Variants in ASAP1 observed in about 807,000 individuals in gnomAD.
ASAP1 encodes arf-GAP with SH3 domain, ANK repeat and PH domain-containing protein 1.
ASAP1 carries 43 observed loss-of-function variants against 145.2 expected under a neutral mutation model. That is an observed-to-expected ratio of 0.30 (90% CI 0.23 to 0.38). The LOEUF is 0.38. Among genes scored for constraint, ASAP1 ranks in the 10% least tolerant of loss-of-function variants. ASAP1 has a pLI of 1.00. For synonymous variants in ASAP1, 546 were observed against 515.5 expected (o/e 1.06, Z -0.80); for missense variants, 1,018 against 1,355.3 (o/e 0.75, Z 3.91).
At chr8:130,220,686 C>T (rs1817239233) in intron 4 of ASAP1, among the ~76,000 whole-genome samples, 1 of 152,080 alleles carries the variant, frequency 6.6e-6, no homozygotes, top group African/African-American at 2.4e-5. Context: ...TCCGTTCTCA[C>T]ACTGCTAATA....
At chr8:130,276,758 T>TCTCTCTCC (rs1565162788) in intron 3 of ASAP1, among the ~76,000 whole-genome samples, 9 of 147,078 alleles carry the variant, frequency 6.1e-5, no homozygotes, top group Admixed American at 6.1e-4. Context: ...TCTCTCTCTC[T>TCTCTCTCC]CTCCTCTAAC....
At chr8:130,078,419 C>T (rs1318359811) in intron 26 of ASAP1, among the ~76,000 whole-genome samples, 12 of 151,982 alleles carry the variant, frequency 7.9e-5, no homozygotes, top group South Asian at 4.1e-4. Context: ...CTCAGCCTCC[C>T]GTATAGCCAG....
In ASAP1 at chr8:130,318,083, C is replaced by T. The variant is rs561029353; in HGVS notation, c.186+39934G>A. Reference sequence around the variant, plus strand: ...CACTTGTTTGATGGAATCCATGGACCAGATGTTGTTTTTTATTTTTATTCT... The same window carrying T: ...CACTTGTTTGATGGAATCCATGGACTAGATGTTGTTTTTTATTTTTATTCT... On this transcript the variant is annotated intron_variant, in intron 3 of 29. Transcript: ENST00000518721. 3.3e-5 allele frequency among the ~76,000 whole-genome samples: 5 copies of T among 152,212 alleles called. No homozygotes were observed. In the East Asian group the frequency reaches 9.7e-4, roughly 29 times the overall value.
intron 3 of ASAP1, among the ~76,000 whole-genome samples, chr8:130,251,269 T>C (rs890944303): frequency 5.9e-5 from 9 of 151,972 alleles, no homozygotes; most frequent in African/African-American, 1.9e-4. Context: ...AATACAAAAA[T>C]TAGCCCGATG....
At chr8:130,278,225 T>C (rs1293907050) in intron 3 of ASAP1, among the ~76,000 whole-genome samples, 2 of 152,200 alleles carry the variant, frequency 1.3e-5, no homozygotes, top group Admixed American at 6.5e-5. Context: ...ACGCTTTTCA[T>C]TGTAGTAACA....
rs1472619641 is a variant in ASAP1 at position 130,122,699 on chromosome 8, A to AGGTC, written c.1607+1313_1607+1314insGACC. ...ATATGAACTCCAGCAGTCTGGCTTC[A>AGGTC]AAATCTATGACCCTAACCACTACAT... On this transcript the variant is annotated intron_variant, in intron 18 of 29. Transcript: ENST00000518721. 1.4e-4 allele frequency among the ~76,000 whole-genome samples: 21 copies of AGGTC among 152,372 alleles called. No individual in the cohort carries two copies. In the East Asian group the frequency reaches 3.5e-3, roughly 25 times the overall value.
At position 130,118,232 on chromosome 8, in the gene ASAP1, T is replaced by C; in HGVS notation, c.1809A>G (p.Thr603=). The stretch of plus-strand genomic sequence containing the variant: ...CAGTTCGGACGGCAAGGTGAAGGGC[T>C]GTCTCCCCAAGCTCCTAAAAAGGGA... ...LLEPGQELGE[T]ALHLAVRTAD... Residue 603 remains threonine (T), a synonymous_variant, in exon 20 of 30, where the codon ACA becomes ACG. Transcript: ENST00000518721. The C allele has an allele frequency of 6.2e-7, 1 of 1,613,966 alleles. No homozygotes were observed. The highest frequency in any genetic ancestry group is 8.5e-7 in the Non-Finnish European group (1 of 1,179,886).
intron 4 of ASAP1, among the ~76,000 whole-genome samples, chr8:130,230,185 C>T (rs972644459): frequency 1.3e-5 from 2 of 151,992 alleles, no homozygotes; most frequent in African/African-American, 4.8e-5. Context: ...ATGTACATTC[C>T]CCAAAGATAG....
At chr8:130,250,631 G>GTTTTA (rs1819135434) in intron 3 of ASAP1, among the ~76,000 whole-genome samples, 1 of 152,034 alleles carries the variant, frequency 6.6e-6, no homozygotes, top group African/African-American at 2.4e-5. Flanking sequence ...GTTTTGTTTT[G>GTTTTA]TTTTATTTTT....
intron 4 of ASAP1, among the ~76,000 whole-genome samples, chr8:130,223,559 G>A (rs977287686): frequency 1.1e-4 from 16 of 152,114 alleles, no homozygotes. Flanking sequence ...CAGGTTTTCT[G>A]TTTATAAACT....
intron 12 of ASAP1, among the ~76,000 whole-genome samples, chr8:130,156,074 A>G (rs2097657762): frequency 6.6e-6 from 1 of 152,162 alleles, no homozygotes; most frequent in African/African-American, 2.4e-5. Flanking sequence ...AAATATAATA[A>G]AGCAATTGCT....
chr8:130,085,605 G>A (rs555755209), intron 25 of ASAP1, among the ~76,000 whole-genome samples: 15 of 151,984 alleles, frequency 9.9e-5, no homozygotes, highest in African/African-American at 3.6e-4. Context: ...GTGGTGTGAC[G>A]CACCCAGAGT....
chr8:130,328,198 C>T (rs930464223), intron 3 of ASAP1, among the ~76,000 whole-genome samples: 2 of 151,902 alleles, frequency 1.3e-5, no homozygotes, highest in African/African-American at 4.8e-5. Flanking sequence ...AGGAAATGAC[C>T]ACGACTGGTG....
intron 3 of ASAP1, among the ~76,000 whole-genome samples, chr8:130,349,647 T>C (rs1343887767): frequency 2.0e-5 from 3 of 152,184 alleles, no homozygotes; most frequent in Non-Finnish European, 2.9e-5. Context: ...TGGTCCTCAG[T>C]AGAGAGCAGT....
chr8:130,354,015 T>C (rs560521776), intron 3 of ASAP1, among the ~76,000 whole-genome samples: 2 of 152,090 alleles, frequency 1.3e-5, no homozygotes, highest in African/African-American at 2.4e-5. Flanking sequence ...GCCTCCTAAG[T>C]AGCTGGGACT....
intron 1 of ASAP1, among the ~76,000 whole-genome samples, chr8:130,406,425 A>T (rs1341988827): frequency 2.6e-5 from 4 of 151,996 alleles, no homozygotes; most frequent in African/African-American, 9.7e-5. Context: ...CTGGGTTAGA[A>T]TCCAGATTAT....
intron 3 of ASAP1, among the ~76,000 whole-genome samples, chr8:130,277,315 G>C (rs895197203): frequency 1.3e-5 from 2 of 152,228 alleles, no homozygotes; most frequent in African/African-American, 2.4e-5. Context: ...GAGGACAACG[G>C]CTATAGGCAA....
intron 3 of ASAP1, among the ~76,000 whole-genome samples, chr8:130,352,023 T>C (rs976859918): frequency 6.6e-6 from 1 of 152,232 alleles, no homozygotes; most frequent in African/African-American, 2.4e-5. Context: ...AACCTCATCC[T>C]AAGTACCTCC....
At chr8:130,371,973 C>T (rs1827233578) in intron 2 of ASAP1, among the ~76,000 whole-genome samples, 1 of 152,126 alleles carries the variant, frequency 6.6e-6, no homozygotes, top group Non-Finnish European at 1.5e-5. Context: ...AAATGAGAAG[C>T]ATTCTACCAG....
Sources: gnomAD v4.1 joint callset for allele counts (sites outside exome capture counted in the v4.1 genomes callset) on GRCh38, gnomAD v4.1.1 for gene constraint, MANE v1.5 for transcripts, NCBI Gene and HGNC (gene_info 2026-07-23, HGNC 2026-07-21) for gene names.